Variants in SMAD2 observed in about 807,000 individuals in gnomAD.
SMAD2 encodes MAD homolog 2.
A neutral mutation model predicts 64.4 loss-of-function variants in SMAD2; 8 were observed. The ratio of observed to expected loss-of-function variants is 0.12; its 90% confidence interval spans 0.07 to 0.22. The LOEUF is 0.22. Ranked by LOEUF, SMAD2 falls within the 10% of genes least tolerant of loss-of-function variation. The pLI is 1.00. For missense variants in SMAD2, 289 were observed against 561.2 expected (o/e 0.51, Z 4.90); for synonymous variants, 203 against 195.8 (o/e 1.04, Z -0.31).
At chr18:47,870,620 A>T in intron 2 of SMAD2, 56 bp from the exon 3 acceptor site, 1 of 1,054,672 alleles carries the variant, frequency 9.5e-7, no homozygotes, top group African/African-American at 1.6e-5. Flanking sequence ...ATGGTTATTC[A>T]AAATACCATG....
In SMAD2 at chr18:47,812,246, G is replaced by A. The variant is rs1159471988; in HGVS notation, c.*29581C>T. 1 of 152,170 alleles carries A rather than the reference G, an allele frequency of 6.6e-6. No individual in the cohort carries two copies. Among genetic ancestry groups the A allele is most frequent in the Non-Finnish European group, 1.5e-5 (1 of 68,040 alleles). 9.4% of individuals were successfully genotyped at this position (152,170 alleles called of 1,614,324 possible). ...TCACGAGATCTGATGGTTTTATAAAGGGGAGTTCCCCTACACAAGCTCTCT... is the reference window on the plus strand; with the variant it reads ...TCACGAGATCTGATGGTTTTATAAAAGGGAGTTCCCCTACACAAGCTCTCT... On this transcript the variant is annotated 3_prime_UTR_variant, in exon 11 of 11. Coordinates refer to ENST00000262160, the MANE Select transcript of SMAD2 (RefSeq NM_005901.6).
chr18:47,898,651 T>C (rs2033547575), intron 1 of SMAD2, among the ~76,000 whole-genome samples: 1 of 130,126 alleles, frequency 7.7e-6, no homozygotes, highest in African/African-American at 2.9e-5. Flanking sequence ...TTGCACCACA[T>C]GGAAGAATAA....
At position 47,810,949 on chromosome 18, in the gene SMAD2, G is replaced by C. The variant is rs1912180277; in HGVS notation, c.*30878C>G. On this transcript the variant is annotated 3_prime_UTR_variant, in exon 11 of 11. Coordinates refer to ENST00000262160, the MANE Select transcript of SMAD2 (RefSeq NM_005901.6). ...AACTTCCGTGCCTGTCTTGTACTCTGAAGACAGTAATTATTAGCCTCGAAG... is the reference window on the plus strand; with the variant it reads ...AACTTCCGTGCCTGTCTTGTACTCTCAAGACAGTAATTATTAGCCTCGAAG... 6.6e-6 allele frequency: 1 copy of C among 152,212 alleles called. No individual in the cohort carries two copies. The highest frequency in any genetic ancestry group is 1.5e-5 in the Non-Finnish European group (1 of 68,050). 9.4% of individuals were successfully genotyped at this position (152,212 alleles called of 1,614,324 possible). A position where few individuals can be genotyped will look rare whatever the true frequency, so the allele number is the denominator to read the frequency against.
intron 6 of SMAD2, among the ~76,000 whole-genome samples, chr18:47,857,475 C>T (rs2030811211): frequency 1.3e-5 from 2 of 152,124 alleles, no homozygotes; most frequent in South Asian, 2.1e-4. Context: ...CAGAGTTCCC[C>T]TTATAGTTAG....
chr18:47,879,871 T>C (rs1792687), intron 2 of SMAD2, among the ~76,000 whole-genome samples: 66,653 of 151,950 alleles, frequency 0.44, 15,594 homozygotes, highest in East Asian at 0.6. Flanking sequence ...CTTTAAATTA[T>C]AGGTAGTCTG....
intron 2 of SMAD2, among the ~76,000 whole-genome samples, chr18:47,885,184 T>C (rs76737426): frequency 0.012 from 1,255 of 104,294 alleles, 20 homozygotes; most frequent in African/African-American, 0.043. Context: ...CACACACACA[T>C]ATACCCTCCC....
chr18:47,927,524 T>G (rs2034813505), intron 1 of SMAD2, among the ~76,000 whole-genome samples: 2 of 152,254 alleles, frequency 1.3e-5, no homozygotes, highest in Admixed American at 1.3e-4. Flanking sequence ...TGTTTGCTGT[T>G]AAGAGACTTT....
chr18:47,889,349 G>A (rs1194190515), intron 2 of SMAD2, among the ~76,000 whole-genome samples: 1 of 152,114 alleles, frequency 6.6e-6, no homozygotes, highest in Non-Finnish European at 1.5e-5. Flanking sequence ...GACAGGAAGG[G>A]GAAGGAGTAA....
rs540950732 is a variant in SMAD2 at position 47,926,586 on chromosome 18, C to T, written c.-54+3775G>A. ...TTCTAATCTAGTGCAGGTTTAGAAG[C>T]CAGATAACTTTGCTTGTTAGAAACA... is the stretch of plus-strand genomic sequence containing the variant. On this transcript the variant is annotated intron_variant, in intron 1 of 10. Coordinates refer to ENST00000262160, the MANE Select transcript of SMAD2 (RefSeq NM_005901.6). 2.6e-5 allele frequency among the ~76,000 whole-genome samples: 4 copies of T among 152,194 alleles called. No homozygotes were observed. In the South Asian group the frequency reaches 8.3e-4, roughly 32 times the overall value.
Position 47,896,683 on chromosome 18 carries a change from G to A in SMAD2, c.74C>T (p.Ser25Phe). The part of the protein sequence containing the change: ...LLGWKKSAGG[S>F]GGAGGGEQNG... Reference sequence around the variant, plus strand: ...CTGCTCTCCTCCGCCTGCTCCTCCAGACCCACCAGCTGACTTCTTCCATCC... The same window carrying A: ...CTGCTCTCCTCCGCCTGCTCCTCCAAACCCACCAGCTGACTTCTTCCATCC... Residue 25 changes from serine (S) to phenylalanine (F), a missense_variant, in exon 2 of 11, where the codon TCT (serine) becomes TTT (phenylalanine). Around this residue, in one of 6 missense-constraint regions of SMAD2, gnomAD observed 89 missense variants for 137.1 expected, o/e 0.65. Transcript: ENST00000262160. The A allele has an allele frequency of 6.2e-7, 1 of 1,614,014 alleles. No homozygotes were observed. Among genetic ancestry groups the A allele is most frequent in the African/African-American group, 1.3e-5 (1 of 75,014 alleles).
rs2144374338 is a variant in SMAD2, at chr18:47,868,449, G to A, written c.529C>T (p.Pro177Ser). Reference protein sequence around the residue: ...YQRVETPVLPPVLVPRHTEIL... With the variant: ...YQRVETPVLPSVLVPRHTEIL... The stretch of plus-strand genomic sequence containing the variant: ...TCGGTGTGTCGGGGCACTAATACTG[G>A]AGGCAAAACTGAAAAAGTTCAAGAA... Residue 177 changes from proline (P) to serine (S), a missense_variant, in exon 5 of 11, where the codon CCA becomes TCA. Pro to Ser is a moderately conservative substitution (Grantham distance 74). Around this residue, in one of 6 missense-constraint regions of SMAD2, gnomAD observed 119 missense variants for 156.7 expected, o/e 0.76. Transcript: ENST00000262160. The A allele has an allele frequency of 6.2e-7, 1 of 1,608,154 alleles. No homozygotes were observed. The highest frequency in any genetic ancestry group is 8.5e-7 in the Non-Finnish European group (1 of 1,177,694).
rs1336932349 is a variant in SMAD2, at chr18:47,814,592, G to A, written c.*27235C>T. The A allele has an allele frequency of 6.6e-6, 1 of 152,180 alleles. No individual in the cohort carries two copies. Among genetic ancestry groups the A allele is most frequent in the Admixed American group, 6.5e-5 (1 of 15,278 alleles). 9.4% of individuals were successfully genotyped at this position (152,180 alleles called of 1,614,324 possible). A position where few individuals can be genotyped will look rare whatever the true frequency, so the allele number is the denominator to read the frequency against. ...GTTGGGAAATAAACGGAAACTTCAGGATGGGTATGCGAGTCTTGGAGCAGC... is the reference window on the plus strand; with the variant it reads ...GTTGGGAAATAAACGGAAACTTCAGAATGGGTATGCGAGTCTTGGAGCAGC... On this transcript the variant is annotated 3_prime_UTR_variant, in exon 11 of 11. Coordinates refer to ENST00000262160, the MANE Select transcript of SMAD2 (RefSeq NM_005901.6).
chr18:47,924,513 G>A (rs1057126157), intron 1 of SMAD2, among the ~76,000 whole-genome samples: 1 of 151,090 alleles, frequency 6.6e-6, no homozygotes, highest in Non-Finnish European at 1.5e-5. Context: ...CCAGGCTGGA[G>A]AGCAGTCGCG....
At chr18:47,844,303 A>G (rs1914267481) in intron 10 of SMAD2, among the ~76,000 whole-genome samples, 1 of 152,192 alleles carries the variant, frequency 6.6e-6, no homozygotes, top group South Asian at 2.1e-4. Context: ...CAAAACAAAT[A>G]AATTTGGAAG....
chr18:47,902,561 T>C (rs930784579), intron 1 of SMAD2, among the ~76,000 whole-genome samples: 1 of 152,208 alleles, frequency 6.6e-6, no homozygotes, highest in African/African-American at 2.4e-5. Flanking sequence ...AACGTAGCCC[T>C]GAGAAAATCA....
rs1312695506 is a variant in SMAD2, at chr18:47,837,960, G to C, written c.*3867C>G. On this transcript the variant is annotated 3_prime_UTR_variant, in exon 11 of 11. Coordinates refer to ENST00000262160, the MANE Select transcript of SMAD2 (RefSeq NM_005901.6). ...AACCTACGCCACCCTCAGACGAAGA[G>C]GGTATCTAACACTGAATAAATGCTG... The C allele has an allele frequency of 8.6e-6, 2 of 232,510 alleles. No homozygotes were observed. The highest frequency in any genetic ancestry group is 1.7e-5 in the Non-Finnish European group (2 of 117,466). The allele number at this position is 232,510 out of a possible 1,614,324, so 14.4% of individuals were successfully genotyped here.
intron 2 of SMAD2, 142 bp from the exon 3 acceptor site, chr18:47,870,706 T>G: frequency 2.8e-6 from 2 of 715,268 alleles, no homozygotes; most frequent in Non-Finnish European, 2.5e-6. Flanking sequence ...TTCACAGGCA[T>G]GTAGTGCTGG....
At position 47,824,731 on chromosome 18, in the gene SMAD2, A is replaced by C. The variant is rs1028717894; in HGVS notation, c.*17096T>G. The C allele has an allele frequency of 5.9e-5, 9 of 152,242 alleles. No individual in the cohort carries two copies. The highest frequency in any genetic ancestry group is 1.5e-5 in the Non-Finnish European group (1 of 68,046). 9.4% of individuals were successfully genotyped at this position (152,242 alleles called of 1,614,324 possible). A position where few individuals can be genotyped will look rare whatever the true frequency, so the allele number is the denominator to read the frequency against. ...ATACTCAATTTTAAATATAGACAGT[A>C]TATTTAAAAAAAACATAAAAAGTAT... On this transcript the variant is annotated 3_prime_UTR_variant, in exon 11 of 11. Transcript: ENST00000262160.
chr18:47,909,082 A>T (rs1361997470), intron 1 of SMAD2, among the ~76,000 whole-genome samples: 2 of 152,164 alleles, frequency 1.3e-5, no homozygotes. Flanking sequence ...AAAAAAAAAA[A>T]AAGAAAATTT....
Sources: gnomAD v4.1 joint callset for allele counts (sites outside exome capture counted in the v4.1 genomes callset) on GRCh38, gnomAD v4.1.1 for gene constraint, gnomAD v4.1.1 regional missense constraint, MANE v1.5 for transcripts, NCBI Gene and HGNC (gene_info 2026-07-23, HGNC 2026-07-21) for gene names.